The following USP40 variants were observed in gnomAD, a reference collection of about 807,000 sequenced individuals.
The protein encoded by USP40 is ubiquitin specific peptidase 40, also known as ubiquitin carboxyl-terminal hydrolase 40.
In USP40, 143 loss-of-function variants were observed where a neutral mutation model predicts 166.2. The ratio of observed to expected loss-of-function variants is 0.86; its 90% CI spans 0.75 to 0.99. The LOEUF (loss-of-function observed/expected upper bound fraction) is 0.99, where lower values mean the gene tolerates loss of function less well. Among genes scored for constraint, USP40 ranks in the 50% least tolerant of loss-of-function variants. The pLI is 0.00. For synonymous variants in USP40, 498 were observed against 524.0 expected (o/e 0.95, Z 0.68); for missense variants, 1,444 against 1,479.7 (o/e 0.98, Z 0.40).
At chr2:233,551,171 T>C (rs746894831) in intron 7 of USP40, among the ~76,000 whole-genome samples, 7 of 152,224 alleles carry the variant, frequency 4.6e-5, no homozygotes, top group Non-Finnish European at 8.8e-5. Flanking sequence ...AGGCTGCTAC[T>C]GTCATCCAGT....
chr2:233,513,249 G>T (rs966939693), intron 18 of USP40, among the ~76,000 whole-genome samples: 2 of 152,122 alleles, frequency 1.3e-5, no homozygotes, highest in African/African-American at 4.8e-5. Flanking sequence ...TGACTGCAGG[G>T]TCAACATTCC....
rs2070555141 is a variant in USP40 at position 233,551,463 on chromosome 2, A to G, written c.750T>C (p.Asn250=). The stretch of plus-strand genomic sequence containing the variant: ...AGCGTTCGCATTTCACAAAATCAAA[A>G]TTAAATCTTAGTAATGAAACAGTAA... ...PFLTVSLLRF[N]FDFVKCERYK... The change falls in exon 7 of 32, where the codon AAT becomes AAC. Residue 250 remains asparagine (N), a synonymous_variant. Transcript: ENST00000678225. 1 of 1,611,690 alleles carries G rather than the reference A, an allele frequency of 6.2e-7. No individual in the cohort carries two copies. Among genetic ancestry groups the G allele is most frequent in the Non-Finnish European group, 8.5e-7 (1 of 1,178,924 alleles).
chr2:233,485,666 C>T, intron 29 of USP40, 40 bp from the exon 30 acceptor site: 1 of 1,605,362 alleles, frequency 6.2e-7, no homozygotes, highest in Non-Finnish European at 8.5e-7. Context: ...CAAAACTCAA[C>T]CTCAAGTTCT....
chr2:233,491,188 C>T lies in USP40; in HGVS notation c.2991G>A (p.Thr997=), dbSNP rs1575226079. 2 of 1,610,128 alleles carry T rather than the reference C, an allele frequency of 1.2e-6. No homozygotes were observed. Among genetic ancestry groups the T allele is most frequent in the Non-Finnish European group, 8.5e-7 (1 of 1,178,290 alleles). The change falls in exon 26 of 32, where the codon ACG becomes ACA. Residue 997 remains threonine, a synonymous_variant. Coordinates refer to ENST00000678225, the MANE Select transcript of USP40 (RefSeq NM_001365479.2). The stretch of plus-strand genomic sequence containing the variant: ...TGACCTGAGACTTCAGCTCCGCCAG[C>T]GTGGCATCTTCTGAGATCTCTATGT... ...LGDIEISEDA[T]LAELKSQAMT...
chr2:233,506,165 C>G (rs1157507279), intron 21 of USP40, among the ~76,000 whole-genome samples: 8 of 152,068 alleles, frequency 5.3e-5, no homozygotes, highest in Non-Finnish European at 1.2e-4. Context: ...GGCCAAAGCA[C>G]CAGAATAAAG....
chr2:233,549,373 G>A, intron 7 of USP40, 144 bp from the exon 8 acceptor site: 3 of 595,372 alleles, frequency 5.0e-6, no homozygotes, highest in Non-Finnish European at 8.1e-6. Flanking sequence ...CAAGTAATTG[G>A]CTTTAAATTT....
At chr2:233,539,335 T>C (rs182469214) in intron 10 of USP40, among the ~76,000 whole-genome samples, 4 of 152,166 alleles carry the variant, frequency 2.6e-5, no homozygotes, top group African/African-American at 7.2e-5. Flanking sequence ...ACACAGAACA[T>C]TGAGCAGGAT....
At chr2:233,511,896 C>T in intron 19 of USP40, 99 bp from the exon 20 acceptor site, 1 of 1,001,834 alleles carries the variant, frequency 1.0e-6, no homozygotes, top group Non-Finnish European at 1.4e-6. Flanking sequence ...TCAAGAATAT[C>T]AAGAAAGAAG....
At chr2:233,529,404 C>G in intron 12 of USP40, 27 bp downstream of exon 12, 2 of 1,539,662 alleles carry the variant, frequency 1.3e-6, no homozygotes. Flanking sequence ...GAATACTAGT[C>G]AAACTCTAAA....
rs1427984640 is a variant in USP40, at chr2:233,562,139, T to C, written c.267+597A>G. 2.0e-5 allele frequency among the ~76,000 whole-genome samples: 3 copies of C among 148,498 alleles called. No individual in the cohort carries two copies. In the East Asian group the frequency reaches 5.9e-4, roughly 29 times the overall value. ...TGTTGGTGGGACTGTAGTTCAACCA[T>C]TGTGGAAGTCAGTGTGGCGATTCCT... On this transcript the variant is annotated intron_variant, in intron 3 of 31. Transcript: ENST00000678225.
At position 233,498,629 on chromosome 2, in the gene USP40, A is replaced by T. The variant is rs768580914; in HGVS notation, c.2651-17T>A. The stretch of plus-strand genomic sequence containing the variant: ...AGGCATCTCCTATAAAGGAGTCAAA[A>T]TTGGGATAAAAAAAATTCAAAGTTA... On this transcript the variant is annotated splice_polypyrimidine_tract_variant and intron_variant, in intron 22 of 31. Coordinates refer to ENST00000678225, the MANE Select transcript of USP40 (RefSeq NM_001365479.2). The T allele has an allele frequency of 1.7e-5, 28 of 1,609,588 alleles. No individual in the cohort carries two copies. The East Asian group carries it at 6.0e-4, about 35-fold the overall frequency.
intron 16 of USP40, among the ~76,000 whole-genome samples, chr2:233,522,325 T>C (rs1400270656): frequency 1.3e-5 from 2 of 152,198 alleles, no homozygotes; most frequent in South Asian, 4.1e-4. Context: ...CCAGTCCCAA[T>C]AAATGCATAC....
intron 20 of USP40, among the ~76,000 whole-genome samples, chr2:233,511,029 G>C (rs767833794): frequency 6.6e-5 from 10 of 152,144 alleles, no homozygotes; most frequent in Non-Finnish European, 1.3e-4. Flanking sequence ...AAGTGGTTGG[G>C]AAAGTAATGA....
At chr2:233,509,588 C>A (rs187928348) in intron 21 of USP40, among the ~76,000 whole-genome samples, 2 of 152,050 alleles carry the variant, frequency 1.3e-5, no homozygotes, top group East Asian at 3.9e-4. Flanking sequence ...TGCCTGTAAT[C>A]CCAGCACTTT....
chr2:233,554,618 T>C (rs1357782672), intron 5 of USP40, 92 bp from the exon 6 acceptor site: 20 of 1,022,782 alleles, frequency 2.0e-5, no homozygotes, highest in East Asian at 2.8e-5. Context: ...TAATCAGATA[T>C]ATGTTTTCTA....
At chr2:233,519,736 G>T (rs1483361103) in intron 17 of USP40, 65 bp from the exon 18 acceptor site, 8 of 885,080 alleles carry the variant, frequency 9.0e-6, no homozygotes, top group Non-Finnish European at 1.4e-5. Flanking sequence ...AATGAGGATT[G>T]TCACTGTGTG....
At chr2:233,533,349 T>C (rs2068691981) in intron 11 of USP40, 130 bp downstream of exon 11, 5 of 932,002 alleles carry the variant, frequency 5.4e-6, no homozygotes, top group Non-Finnish European at 7.9e-6. Context: ...TAGTTCTTGT[T>C]AGCTTTAAAA....
chr2:233,519,814 C>T, intron 17 of USP40, 143 bp from the exon 18 acceptor site: 1 of 505,278 alleles, frequency 2.0e-6, no homozygotes, highest in Non-Finnish European at 3.5e-6. Context: ...GAAATTTTTC[C>T]ATCCCTGAAA....
At chr2:233,485,012 GGGTATATGTGCATCA>G (rs1210532842) in intron 30 of USP40, among the ~76,000 whole-genome samples, 3 of 152,256 alleles carry the variant, frequency 2.0e-5, no homozygotes, top group Admixed American at 2.0e-4. Context: ...TAGAGGTTTT[GGGTATATGTGCATCA>G]GGTTAAGGCG....
Sources: gnomAD v4.1 joint callset for allele counts (sites outside exome capture counted in the v4.1 genomes callset) on GRCh38, gnomAD v4.1.1 for gene constraint, MANE v1.5 for transcripts, NCBI Gene and HGNC (gene_info 2026-07-23, HGNC 2026-07-21) for gene names.